ATXN3: variants seen among roughly 807,000 people sequenced by gnomAD.
ATXN3 encodes ataxin-3.
A neutral mutation model predicts 58.2 loss-of-function variants in ATXN3; 28 were observed. The observed-to-expected ratio is 0.48, with a 90% CI of 0.36 to 0.66. ATXN3 has a LOEUF of 0.66. Among genes scored for constraint, ATXN3 ranks in the 30% least tolerant of loss-of-function variants. The pLI, the probability that ATXN3 is intolerant of heterozygous loss-of-function variation, is 0.00. For missense variants in ATXN3, 321 were observed against 422.1 expected (o/e 0.76, Z 2.10); for synonymous variants, 113 against 138.5 (o/e 0.82, Z 1.29).
intron 6 of ATXN3, among the ~76,000 whole-genome samples, chr14:92,084,986 G>A (rs1250619993): frequency 6.6e-6 from 1 of 152,142 alleles, no homozygotes; most frequent in Non-Finnish European, 1.5e-5. Context: ...AAAATAGTAT[G>A]TTGAACATTT....
chr14:92,066,872 C>A (rs1277304150), intron 10 of ATXN3, among the ~76,000 whole-genome samples: 1 of 151,710 alleles, frequency 6.6e-6, no homozygotes, highest in Non-Finnish European at 1.5e-5. Context: ...CAGGTTCAAG[C>A]GATTCCCCTG....
At chr14:92,091,633 T>A (rs978219) in intron 5 of ATXN3, among the ~76,000 whole-genome samples, 11,405 of 146,012 alleles carry the variant, frequency 0.078, 764 homozygotes, top group African/African-American at 0.18. Flanking sequence ...ATTTACATTT[T>A]AAAAAAAACA....
intron 5 of ATXN3, among the ~76,000 whole-genome samples, chr14:92,091,078 C>G (rs955013323): frequency 6.6e-6 from 1 of 151,568 alleles, no homozygotes; most frequent in Non-Finnish European, 1.5e-5. Context: ...AACCACTGCA[C>G]CCAGCTAGCC....
upstream of ATXN3, among the ~76,000 whole-genome samples, chr14:92,050,016 A>G (rs2140162616): frequency 6.6e-6 from 1 of 152,280 alleles, no homozygotes; most frequent in South Asian, 2.1e-4. Flanking sequence ...ATGTCCTAAA[A>G]GTTTCTCATG....
upstream of ATXN3, among the ~76,000 whole-genome samples, chr14:92,050,809 C>G (rs1477714560): frequency 6.6e-6 from 1 of 152,218 alleles, no homozygotes; most frequent in Non-Finnish European, 1.5e-5. Context: ...CACCACCACA[C>G]CCGGCTAATT....
At chr14:92,056,984 G>T (rs936527795), downstream of ATXN3, among the ~76,000 whole-genome samples, 5 of 152,176 alleles carry the variant, frequency 3.3e-5, no homozygotes, top group African/African-American at 1.2e-4. Flanking sequence ...AAGCCAAAAT[G>T]GTGATGAAAG....
intron 4 of ATXN3, 36 bp downstream of exon 4, chr14:92,093,710 G>A: frequency 7.0e-7 from 1 of 1,434,130 alleles, no homozygotes; most frequent in Non-Finnish European, 9.6e-7. Flanking sequence ...TCAAATTTGG[G>A]AAAAGAAATG....
intron 10 of ATXN3, among the ~76,000 whole-genome samples, chr14:92,067,876 T>A (rs2058720544): frequency 6.6e-6 from 1 of 152,202 alleles, no homozygotes; most frequent in Non-Finnish European, 1.5e-5. Context: ...AGGCCTGTGA[T>A]GTCAAGGAGT....
rs565803496 is a variant in ATXN3 at position 92,091,877 on chromosome 14, T to C, written c.387+1375A>G. 2.5e-3 allele frequency among the ~76,000 whole-genome samples: 377 copies of C among 148,336 alleles called. 2 individuals carry two copies. The highest frequency in any genetic ancestry group is 2.3e-3 in the Non-Finnish European group (152 of 67,024). On this transcript the variant is annotated intron_variant, in intron 5 of 10. Coordinates refer to ENST00000644486, the MANE Select transcript of ATXN3 (RefSeq NM_004993.6). ...ATTTTTTTTTCTTTCATTTTTTTTT[T>C]AGAGATGGGGTCTTGTGCCATTGCC...
chr14:92,089,304 C>T (rs1467849417), intron 5 of ATXN3, among the ~76,000 whole-genome samples: 1 of 148,896 alleles, frequency 6.7e-6, no homozygotes, highest in Non-Finnish European at 1.5e-5. Flanking sequence ...CAAACATGAG[C>T]CACTGCACCT....
chr14:92,068,415 G>A (rs1443954493), intron 10 of ATXN3, among the ~76,000 whole-genome samples: 8 of 152,114 alleles, frequency 5.3e-5, no homozygotes, highest in African/African-American at 1.9e-4. Flanking sequence ...TTTGGCTAGA[G>A]AGAGCAGGCT....
At chr14:92,086,011 G>A (rs1239097366) in intron 6 of ATXN3, among the ~76,000 whole-genome samples, 1 of 148,028 alleles carries the variant, frequency 6.8e-6, no homozygotes, top group African/African-American at 2.7e-5. Context: ...TAAAATCAAA[G>A]AATTAAAAAC....
chr14:92,098,495 G>A (rs925199684), intron 1 of ATXN3, among the ~76,000 whole-genome samples: 1 of 152,140 alleles, frequency 6.6e-6, no homozygotes, highest in Admixed American at 6.5e-5. Context: ...ACTGAGGCAT[G>A]AGAATCGCTT....
intron 6 of ATXN3, among the ~76,000 whole-genome samples, chr14:92,085,139 T>C (rs1162811682): frequency 6.6e-6 from 1 of 152,100 alleles, no homozygotes; most frequent in Admixed American, 6.6e-5. Context: ...TCTGCCCTGT[T>C]CAGGGGCCAT....
rs749794712 is a variant in ATXN3 at position 92,096,074 on chromosome 14, C to T, written c.234+19G>A. 7.3e-6 allele frequency: 11 copies of T among 1,505,040 alleles called. No individual in the cohort carries two copies. The highest frequency in any genetic ancestry group is 1.0e-5 in the Non-Finnish European group (11 of 1,094,864). The allele number at this position is 1,505,040 out of a possible 1,614,324, so 93.2% of individuals were successfully genotyped here. A position where few individuals can be genotyped will look rare whatever the true frequency, so the allele number is the denominator to read the frequency against. ...CCTGGGATGTAAGCAACACATAGTA[C>T]ATGCTTGTGACTACTTACCTGAATA... On this transcript the variant is annotated intron_variant, in intron 3 of 10. Coordinates refer to ENST00000644486, the MANE Select transcript of ATXN3 (RefSeq NM_004993.6).
chr14:92,096,202 T>C, intron 2 of ATXN3, 65 bp from the exon 3 acceptor site: 1 of 1,612,330 alleles, frequency 6.2e-7, no homozygotes, highest in Non-Finnish European at 8.5e-7. Context: ...CAAACTGTCA[T>C]TAGCGTGCAT....
intron 10 of ATXN3, among the ~76,000 whole-genome samples, chr14:92,069,131 T>A (rs2058976078): frequency 6.9e-6 from 1 of 145,772 alleles, no homozygotes; most frequent in African/African-American, 2.6e-5. Flanking sequence ...CAGGCTGGAG[T>A]TCAATGGCAC....
Position 92,093,851 on chromosome 14 carries a change from C to T in ATXN3, c.235-20G>A. On this transcript the variant is annotated intron_variant, in intron 3 of 10. Coordinates refer to ENST00000644486, the MANE Select transcript of ATXN3 (RefSeq NM_004993.6). ...TATAACCTGTTAAGAAAAATAGCAA[C>T]TTTTCATAAGCTAAACCACTCCATT... The T allele has an allele frequency of 6.7e-7, 1 of 1,494,358 alleles. No homozygotes were observed. 92.6% of individuals were successfully genotyped at this position (1,494,358 alleles called of 1,614,324 possible).
At chr14:92,047,830 G>A (rs895515177) in intron 2 of ATXN3, 3 of 152,198 alleles carry the variant, frequency 2.0e-5, no homozygotes, top group African/African-American at 7.2e-5. Flanking sequence ...AAGGAAACAG[G>A]CCCTTGAAAA....
Sources: gnomAD v4.1 joint callset for allele counts (sites outside exome capture counted in the v4.1 genomes callset) on GRCh38, gnomAD v4.1.1 for gene constraint, MANE v1.5 for transcripts, NCBI Gene and HGNC (gene_info 2026-07-23, HGNC 2026-07-21) for gene names.